PDGFRA: variants seen among roughly 807,000 people sequenced by gnomAD.
The protein encoded by PDGFRA is platelet-derived growth factor receptor alpha.
A neutral mutation model predicts 121.5 loss-of-function variants in PDGFRA; 25 were observed. That is an observed-to-expected ratio of 0.21 (90% CI 0.15 to 0.29). The LOEUF (loss-of-function observed/expected upper bound fraction) is 0.29. Among genes scored for constraint, PDGFRA ranks in the 10% least tolerant of loss-of-function variants. The pLI, the probability that PDGFRA is intolerant of heterozygous loss-of-function variation, is 1.00. For synonymous variants in PDGFRA, 463 were observed against 494.8 expected, an observed-to-expected ratio of 0.94 and a Z score of 0.85; for missense variants, 1,008 against 1,345.1, an observed-to-expected ratio of 0.75 and a Z score of 3.92.
At chr4:54,255,835 C>T (rs1343552405) in intron 1 of PDGFRA, among the ~76,000 whole-genome samples, 1 of 151,946 alleles carries the variant, frequency 6.6e-6, no homozygotes, top group East Asian at 1.9e-4. Context: ...ACAACAACAA[C>T]AACAACAAAC....
chr4:54,261,498 ATAAT>A, intron 3 of PDGFRA, 86 bp downstream of exon 3: 1 of 757,112 alleles, frequency 1.3e-6, no homozygotes, highest in South Asian at 1.9e-5. Flanking sequence ...ATATATATAA[ATAAT>A]TAATATTTAT....
rs763901708 is a variant in PDGFRA at position 54,274,554 on chromosome 4, G to A, written c.1582G>A (p.Ala528Thr). The A allele has an allele frequency of 3.7e-6, 6 of 1,613,830 alleles. No individual in the cohort carries two copies. The highest frequency in any genetic ancestry group is 5.1e-6 in the Non-Finnish European group (6 of 1,179,846). ...APTLRSELTV[A>T]AAVLVLLVIV... ...AGCCCTGCGTTCTGAACTCACGGTG[G>A]CTGCTGCAGTCCTGGTGCTGTTGGT... Residue 528 changes from alanine (A) to threonine (T), a missense_variant, in exon 11 of 23, where the codon GCT becomes ACT. Physicochemically the swap from Ala to Thr is moderately conservative, Grantham distance 58 (BLOSUM62 0). Coordinates refer to ENST00000257290, the MANE Select transcript of PDGFRA (RefSeq NM_006206.6).
rs5858262 is a variant in PDGFRA at position 54,278,223 on chromosome 4, T to TA, written c.2003-109dup. 7.3e-6 allele frequency: 4 copies of TA among 547,744 alleles called. No homozygotes were observed. The African/African-American group carries it at 7.6e-5, about 10-fold the overall frequency. 33.9% of individuals were successfully genotyped at this position (547,744 alleles called of 1,614,324 possible). On this transcript the variant is annotated intron_variant, in intron 14 of 22. Coordinates refer to ENST00000257290, the MANE Select transcript of PDGFRA (RefSeq NM_006206.6). ...GTCATAGCCATTCATGGCTCTTTAT[T>TA]AAAAAAAAAAAAAAAAAAAAAAAAA...
At chr4:54,255,363 C>T (rs1340225521) in intron 1 of PDGFRA, among the ~76,000 whole-genome samples, 1 of 152,182 alleles carries the variant, frequency 6.6e-6, no homozygotes, top group Non-Finnish European at 1.5e-5. Context: ...ATTCTGATTT[C>T]TGCAATGTAG....
At chr4:54,283,516 G>A (rs1032843640) in intron 16 of PDGFRA, among the ~76,000 whole-genome samples, 1 of 152,244 alleles carries the variant, frequency 6.6e-6, no homozygotes, top group Non-Finnish European at 1.5e-5. Flanking sequence ...GCTGGCCCAT[G>A]AGACCATTCT....
Position 54,278,475 on chromosome 4 carries a change from G to T in PDGFRA, c.2116G>T (p.Asp706Tyr), listed in dbSNP as rs1221698264. The T allele has an allele frequency of 2.5e-6, 4 of 1,613,992 alleles. No individual in the cohort carries two copies. In the South Asian group the frequency reaches 4.4e-5, roughly 18 times the overall value. ...CCCAGAGAAGCCAAAGAAAGAGCTG[G>T]ATATCTTTGGATTGAACCCTGCTGA... Reference protein sequence around the residue: ...HHPEKPKKELDIFGLNPADES... With the variant: ...HHPEKPKKELYIFGLNPADES... Residue 706 changes from aspartate to tyrosine, a missense_variant, in exon 15 of 23, where the codon GAT (aspartate) becomes TAT (tyrosine). Physicochemically the swap from Asp to Tyr is radical, Grantham distance 160. Around this residue, in one of 5 missense-constraint regions of PDGFRA, gnomAD observed 128 missense variants for 147.6 expected, o/e 0.87. Transcript: ENST00000257290.
chr4:54,250,957 C>T (rs968323403), intron 1 of PDGFRA, among the ~76,000 whole-genome samples: 5 of 149,530 alleles, frequency 3.3e-5, no homozygotes, highest in Admixed American at 1.4e-4. Context: ...CCCAGTTACT[C>T]GGGAGGCTGA....
intron 1 of PDGFRA, among the ~76,000 whole-genome samples, chr4:54,255,741 A>G (rs895203710): frequency 1.3e-5 from 2 of 151,764 alleles, no homozygotes; most frequent in Non-Finnish European, 2.9e-5. Flanking sequence ...TCCTGATCTC[A>G]TGATCTGCCC....
At chr4:54,252,064 T>C (rs1406015909) in intron 1 of PDGFRA, among the ~76,000 whole-genome samples, 1 of 152,198 alleles carries the variant, frequency 6.6e-6, no homozygotes, top group Non-Finnish European at 1.5e-5. Flanking sequence ...TCTGTTGTTT[T>C]TGAGTTTCTT....
In PDGFRA at chr4:54,261,461, C is replaced by T. The variant is rs1345831148; in HGVS notation, c.367+49C>T. 3 of 1,273,244 alleles carry T rather than the reference C, an allele frequency of 2.4e-6. No individual in the cohort carries two copies. The Admixed American group carries it at 5.0e-5, about 21-fold the overall frequency. The allele number at this position is 1,273,244 out of a possible 1,614,324, so 78.9% of individuals were successfully genotyped here. ...CCAAGCTTCTTCTCTTCCTGTCTCT[C>T]CTGTTAAATGTACTAAGGTTTTAAA... is the stretch of plus-strand genomic sequence containing the variant. On this transcript the variant is annotated intron_variant, in intron 3 of 22. Transcript: ENST00000257290.
chr4:54,274,439 ATTCCTGG>A, intron 10 of PDGFRA, 85 bp from the exon 11 acceptor site: 2 of 910,648 alleles, frequency 2.2e-6, no homozygotes, highest in Non-Finnish European at 3.6e-6. Context: ...GCAGTGAGAG[ATTCCTGG>A]CTCAGACACA....
At chr4:54,270,831 A>G (rs1723310321) in intron 8 of PDGFRA, 83 bp downstream of exon 8, 1 of 799,054 alleles carries the variant, frequency 1.3e-6, no homozygotes, top group Admixed American at 1.9e-5. Flanking sequence ...CTCCCCGGTC[A>G]TGGAAGAAAA....
At chr4:54,285,302 GCAT>G (rs1724282325) in intron 16 of PDGFRA, 66 bp from the exon 17 acceptor site, 1 of 783,130 alleles carries the variant, frequency 1.3e-6, no homozygotes, top group Admixed American at 1.7e-5. Context: ...TGTTCTTTGG[GCAT>G]GCCTCTGCAA....
chr4:54,278,634 G>A (rs1723894724), intron 15 of PDGFRA, 119 bp downstream of exon 15: 2 of 921,384 alleles, frequency 2.2e-6, no homozygotes, highest in Non-Finnish European at 3.5e-6. Context: ...GCAAGACTTA[G>A]AGTCAAACCA....
At chr4:54,257,905 T>C (rs944375984) in intron 1 of PDGFRA, among the ~76,000 whole-genome samples, 1 of 152,230 alleles carries the variant, frequency 6.6e-6, no homozygotes, top group Non-Finnish European at 1.5e-5. Context: ...TATTTGTGTC[T>C]GACTCAATTT....
At chr4:54,253,169 C>A (rs1243607741) in intron 1 of PDGFRA, among the ~76,000 whole-genome samples, 1 of 152,174 alleles carries the variant, frequency 6.6e-6, no homozygotes, top group African/African-American at 2.4e-5. Flanking sequence ...AGTTATGTGG[C>A]TTCTGGGGCA....
At chr4:54,258,672 C>A in intron 1 of PDGFRA, 85 bp from the exon 2 acceptor site, 1 of 854,202 alleles carries the variant, frequency 1.2e-6, no homozygotes, top group Non-Finnish European at 2.1e-6. Flanking sequence ...TTAATATTTT[C>A]TGTTGTGCAA....
chr4:54,249,344 T>C (rs1167440296), intron 1 of PDGFRA, among the ~76,000 whole-genome samples: 1 of 152,206 alleles, frequency 6.6e-6, no homozygotes, highest in Non-Finnish European at 1.5e-5. Context: ...CGTATGTTTA[T>C]TGCGGCACTA....
At chr4:54,258,558 T>A (rs1722498388) in intron 1 of PDGFRA, among the ~76,000 whole-genome samples, 199 bp from the exon 2 acceptor site, 1 of 152,172 alleles carries the variant, frequency 6.6e-6, no homozygotes, top group Non-Finnish European at 1.5e-5. Flanking sequence ...TTCAGGCAGC[T>A]CCCGCCATGA....
Sources: gnomAD v4.1 joint callset for allele counts (sites outside exome capture counted in the v4.1 genomes callset) on GRCh38, gnomAD v4.1.1 for gene constraint, gnomAD v4.1.1 regional missense constraint, MANE v1.5 for transcripts, NCBI Gene and HGNC (gene_info 2026-07-23, HGNC 2026-07-21) for gene names.